The following NALF1 variants were observed in gnomAD, a reference collection of about 807,000 sequenced individuals.
NALF1 encodes the protein NALCN channel auxiliary factor 1.
In NALF1, 3 loss-of-function variants were observed where a neutral mutation model predicts 48.4. That is an observed-to-expected ratio of 0.06 (90% CI 0.03 to 0.16). The LOEUF (loss-of-function observed/expected upper bound fraction) is 0.16. Ranked by LOEUF, NALF1 falls within the 10% of genes least tolerant of loss-of-function variation. NALF1 has a pLI of 1.00. For missense variants in NALF1, 526 were observed against 571.5 expected, an observed-to-expected ratio of 0.92 and a Z score of 0.81; for synonymous variants, 262 against 245.7, an observed-to-expected ratio of 1.07 and a Z score of -0.62.
intron 1 of NALF1, among the ~76,000 whole-genome samples, chr13:107,246,763 G>A (rs1416473313): frequency 6.6e-6 from 1 of 152,120 alleles, no homozygotes; most frequent in Non-Finnish European, 1.5e-5. Context: ...ATGCCACATT[G>A]AGGATTGTTT....
At chr13:107,234,544 A>G (rs1464603189) in intron 1 of NALF1, among the ~76,000 whole-genome samples, 1 of 152,154 alleles carries the variant, frequency 6.6e-6, no homozygotes. Context: ...ACTGCCTGTC[A>G]GCCGGCCCTG....
At chr13:107,741,710 C>T (rs182035346) in intron 1 of NALF1, among the ~76,000 whole-genome samples, 186 of 152,286 alleles carry the variant, frequency 1.2e-3, no homozygotes, top group Non-Finnish European at 2.4e-3. Context: ...GAGTCAGCTC[C>T]AGGACCCAGA....
intron 1 of NALF1, among the ~76,000 whole-genome samples, chr13:107,465,018 G>A (rs1339813538): frequency 6.6e-6 from 1 of 151,502 alleles, no homozygotes; most frequent in African/African-American, 2.4e-5. Flanking sequence ...TGATCCTACA[G>A]GTCACACTTT....
intron 1 of NALF1, among the ~76,000 whole-genome samples, chr13:107,583,458 A>AT (rs1274820100): frequency 6.6e-6 from 1 of 152,146 alleles, no homozygotes; most frequent in African/African-American, 2.4e-5. Flanking sequence ...TATTTTAAAT[A>AT]TTTTTATGTC....
At chr13:107,615,091 T>G (rs903732552) in intron 1 of NALF1, among the ~76,000 whole-genome samples, 1 of 152,178 alleles carries the variant, frequency 6.6e-6, no homozygotes, top group Non-Finnish European at 1.5e-5. Context: ...CTGCATCTCT[T>G]TGTTTCTGAC....
At chr13:107,348,046 T>A (rs1467898105) in intron 1 of NALF1, among the ~76,000 whole-genome samples, 10 of 152,234 alleles carry the variant, frequency 6.6e-5, no homozygotes. Flanking sequence ...CCCCAAGGCA[T>A]CTAGTTCAGA....
chr13:107,826,059 G>A (rs930350713), intron 1 of NALF1, among the ~76,000 whole-genome samples: 5 of 152,192 alleles, frequency 3.3e-5, no homozygotes, highest in Non-Finnish European at 5.9e-5. Flanking sequence ...GATTACAGGC[G>A]TGAGCCACCA....
chr13:107,463,398 C>T (rs937577151), intron 1 of NALF1, among the ~76,000 whole-genome samples: 23 of 152,132 alleles, frequency 1.5e-4, no homozygotes, highest in African/African-American at 5.3e-4. Context: ...AAGTAAATTG[C>T]CAATATCTGG....
Position 107,315,886 on chromosome 13 carries a change from G to GAT in NALF1, c.916-105133_916-105132dup, listed in dbSNP as rs534440329. Among the ~76,000 whole-genome samples, 587 of 147,012 alleles carry GAT rather than the reference G, an allele frequency of 4.0e-3. 4 individuals carry two copies. The highest frequency in any genetic ancestry group is 0.011 in the African/African-American group (460 of 40,404). ...AGCCCAAAATATCTTATTTTTTATA[G>GAT]ATATATATATATATTTATTTATTTA... On this transcript the variant is annotated intron_variant, in intron 1 of 2. Coordinates refer to ENST00000375915, the MANE Select transcript of NALF1 (RefSeq NM_001080396.3).
At chr13:107,671,668 A>G (rs1181324172) in intron 1 of NALF1, among the ~76,000 whole-genome samples, 3 of 152,190 alleles carry the variant, frequency 2.0e-5, no homozygotes, top group Non-Finnish European at 4.4e-5. Context: ...TAGGTGAACA[A>G]AAGACTTTAT....
At chr13:107,535,748 A>G (rs1407646918) in intron 1 of NALF1, among the ~76,000 whole-genome samples, 3 of 152,176 alleles carry the variant, frequency 2.0e-5, no homozygotes, top group Non-Finnish European at 4.4e-5. Context: ...TATGGAACCA[A>G]AAAAGAGTCC....
intron 1 of NALF1, among the ~76,000 whole-genome samples, chr13:107,640,970 T>C (rs9520534): frequency 0.28 from 43,214 of 152,132 alleles, 6,554 homozygotes; most frequent in East Asian, 0.49. Flanking sequence ...ATGTCAGAGA[T>C]GTCTGCACTC....
chr13:107,580,885 C>T (rs1878287142), intron 1 of NALF1, among the ~76,000 whole-genome samples: 1 of 151,830 alleles, frequency 6.6e-6, no homozygotes, highest in African/African-American at 2.4e-5. Context: ...GAGAAAGAGC[C>T]AAGGAACAAA....
chr13:107,780,469 C>T (rs572486957), intron 1 of NALF1, among the ~76,000 whole-genome samples: 7 of 151,948 alleles, frequency 4.6e-5, no homozygotes, highest in African/African-American at 1.7e-4. Context: ...GTTGAAAGTA[C>T]CCAATGAGAC....
At chr13:107,500,545 G>A (rs1195713492) in intron 1 of NALF1, among the ~76,000 whole-genome samples, 1 of 150,766 alleles carries the variant, frequency 6.6e-6, no homozygotes, top group Non-Finnish European at 1.5e-5. Flanking sequence ...AGTCAGTGTG[G>A]CGATTCCTCA....
At chr13:107,199,026 G>A (rs1412221451) in intron 2 of NALF1, among the ~76,000 whole-genome samples, 5 of 151,956 alleles carry the variant, frequency 3.3e-5, no homozygotes, top group Non-Finnish European at 5.9e-5. Flanking sequence ...GAGGCTTTTA[G>A]GGTGGGTCCT....
Position 107,728,109 on chromosome 13 carries a change from T to C in NALF1, c.915+137573A>G, listed in dbSNP as rs139308578. Among the ~76,000 whole-genome samples, 8 of 152,318 alleles carry C rather than the reference T, an allele frequency of 5.3e-5. No individual in the cohort carries two copies. In the East Asian group the frequency reaches 1.5e-3, roughly 29 times the overall value. On this transcript the variant is annotated intron_variant, in intron 1 of 2. Coordinates refer to ENST00000375915, the MANE Select transcript of NALF1 (RefSeq NM_001080396.3). ...GTGGGAGTGTAAATTAGTTCAACCA[T>C]TGTGGAATACAGTGTGGCAATTCCT...
chr13:107,721,402 T>C (rs907448657), intron 1 of NALF1, among the ~76,000 whole-genome samples: 3 of 152,172 alleles, frequency 2.0e-5, no homozygotes, highest in Non-Finnish European at 4.4e-5. Flanking sequence ...ATATAAGCTG[T>C]GCAGGGAGGC....
rs377375241 is a variant in NALF1 at position 107,170,783 on chromosome 13, A to T, written c.1091T>A (p.Leu364His). ...GGLSSFICTG[L>H]YETFLTNDEP... ...ATCATTGGTTAGAAAGGTTTCATAA[A>T]GCCCTGTAGGAAGAAGGAAGTAGAG... The change falls in exon 3 of 3, where the codon CTT becomes CAT. Residue 364 changes from leucine (L) to histidine (H), a missense_variant. This residue lies in a region of NALF1 where 153 missense variants were observed against 215.9 expected (regional missense o/e 0.71). Transcript: ENST00000375915. The T allele has an allele frequency of 7.4e-6, 12 of 1,613,736 alleles. No individual in the cohort carries two copies. The highest frequency in any genetic ancestry group is 1.3e-5 in the African/African-American group (1 of 74,904).
Sources: gnomAD v4.1 joint callset for allele counts (sites outside exome capture counted in the v4.1 genomes callset) on GRCh38, gnomAD v4.1.1 for gene constraint, gnomAD v4.1.1 regional missense constraint, MANE v1.5 for transcripts, NCBI Gene and HGNC (gene_info 2026-07-23, HGNC 2026-07-21) for gene names.